AFF2: variants seen among roughly 807,000 people sequenced by gnomAD.
AFF2 encodes ALF transcription elongation factor 2.
A neutral mutation model predicts 76.9 loss-of-function variants in AFF2; 14 were observed. The ratio of observed to expected loss-of-function variants is 0.18; its 90% confidence interval spans 0.12 to 0.28. The LOEUF is 0.28. Among genes scored for constraint, AFF2 ranks in the 10% least tolerant of loss-of-function variants. AFF2 has a pLI of 1.00. For synonymous variants in AFF2, 398 were observed against 366.7 expected (o/e 1.09, Z -0.98); for missense variants, 868 against 1,001.1 (o/e 0.87, Z 1.79).
intron 3 of AFF2, among the ~76,000 whole-genome samples, chrX:148,776,556 C>T (rs972094464): frequency 6.2e-5 from 7 of 112,410 alleles, no homozygotes; most frequent in African/African-American, 1.9e-4. Flanking sequence ...GCCATTCTAA[C>T]TGGTGTGAGA....
At chrX:148,986,316 G>C (rs782463133) in intron 19 of AFF2, among the ~76,000 whole-genome samples, 4 of 112,282 alleles carry the variant, frequency 3.6e-5, no homozygotes, top group Non-Finnish European at 7.5e-5. Context: ...GGAGGAGAGA[G>C]AACCAGAGGG....
chrX:148,627,798 GA>G (rs199838373), intron 1 of AFF2, among the ~76,000 whole-genome samples: 1 of 110,665 alleles, frequency 9.0e-6, no homozygotes, highest in Non-Finnish European at 1.9e-5. Flanking sequence ...GCAAGTTTGA[GA>G]AAAAAATTGT....
chrX:148,630,092 C>G (rs1372782272), intron 1 of AFF2, among the ~76,000 whole-genome samples: 2 of 111,618 alleles, frequency 1.8e-5, no homozygotes, highest in African/African-American at 6.5e-5. Context: ...TAGAGAGTAC[C>G]AGACCCCACA....
chrX:148,997,484 A>G lies in AFF2; in HGVS notation c.*6152A>G, dbSNP rs1213862107. 1.8e-5 allele frequency: 2 copies of G among 112,266 alleles called. No homozygotes were observed. Among genetic ancestry groups the G allele is most frequent in the Non-Finnish European group, 3.8e-5 (2 of 53,264 alleles). The allele number at this position is 112,266 out of a possible 1,213,427, so 9.3% of individuals were successfully genotyped here. ...TGTTCTAAAATCTTATTTTTCAAAA[A>G]AAAATTTCCATTTTCTCTCTGGGCC... On this transcript the variant is annotated 3_prime_UTR_variant, in exon 21 of 21. Coordinates refer to ENST00000370460, the MANE Select transcript of AFF2 (RefSeq NM_002025.4).
At chrX:148,951,226 C>G (rs1238582281) in intron 9 of AFF2, among the ~76,000 whole-genome samples, 1 of 111,034 alleles carries the variant, frequency 9.0e-6, no homozygotes, top group Admixed American at 9.6e-5. Context: ...ATCCATGGAA[C>G]TTTGATTTAG....
chrX:148,683,918 G>A (rs1327315080), intron 3 of AFF2, among the ~76,000 whole-genome samples: 1 of 111,543 alleles, frequency 9.0e-6, no homozygotes. Context: ...TTATTTATAT[G>A]AGGCAACATT....
rs1557288198 is a variant in AFF2 at position 148,962,767 on chromosome X, C to T, written c.2743C>T (p.Pro915Ser). ...AAGAAAGGAAGAAAAACTATTTCCT[C>T]CTCCACTTTCCCCACTGCCAGAGGA... is the stretch of plus-strand genomic sequence containing the variant. ...NRRKEEKLFP[P>S]PLSPLPEDPP... The change falls in exon 13 of 21, where the codon CCT (proline) becomes TCT (serine). Residue 915 changes from proline to serine, a missense_variant. Around this residue, in one of 6 missense-constraint regions of AFF2, gnomAD observed 532 missense variants for 564.2 expected, o/e 0.94. Coordinates refer to ENST00000370460, the MANE Select transcript of AFF2 (RefSeq NM_002025.4). The T allele has an allele frequency of 1.7e-6, 2 of 1,210,782 alleles. No homozygotes were observed. Among genetic ancestry groups the T allele is most frequent in the Admixed American group, 2.2e-5 (1 of 45,939 alleles).
intron 1 of AFF2, among the ~76,000 whole-genome samples, chrX:148,534,035 T>C (rs1367551623): frequency 8.9e-6 from 1 of 112,320 alleles, no homozygotes; most frequent in African/African-American, 3.2e-5. Context: ...CCTATTTCCC[T>C]GGCAAATCTA....
At chrX:148,962,480 T>G (rs1398686889) in intron 12 of AFF2, among the ~76,000 whole-genome samples, 2 of 112,130 alleles carry the variant, frequency 1.8e-5, no homozygotes, top group Non-Finnish European at 3.8e-5. Flanking sequence ...TGCAAAGACA[T>G]GAGTTTATTC....
chrX:148,626,894 T>C (rs1470713751), intron 1 of AFF2, among the ~76,000 whole-genome samples: 3 of 111,629 alleles, frequency 2.7e-5, no homozygotes, highest in Admixed American at 1.9e-4. Flanking sequence ...TGGGTGAACA[T>C]ATATTTTGGA....
At position 148,500,633 on chromosome X, in the gene AFF2, CCGCT is replaced by C; in HGVS notation, c.-464_-461del. 1.1e-5 allele frequency: 1 copy of C among 90,061 alleles called. No individual in the cohort carries two copies. The highest frequency in any genetic ancestry group is 4.1e-5 in the African/African-American group (1 of 24,132). The allele number at this position is 90,061 out of a possible 1,213,427, so 7.4% of individuals were successfully genotyped here. On this transcript the variant is annotated 5_prime_UTR_variant, in exon 1 of 21. Coordinates refer to ENST00000370460, the MANE Select transcript of AFF2 (RefSeq NM_002025.4). The stretch of plus-strand genomic sequence containing the variant: ...GCGGCCGCCGCCGCCGCCTGTGCAG[CCGCT>C]GCCGCCGCCGCCGCCGCCGCCGCCG...
intron 1 of AFF2, among the ~76,000 whole-genome samples, chrX:148,611,576 A>G (rs918163619): frequency 1.8e-5 from 2 of 111,367 alleles, no homozygotes; most frequent in Non-Finnish European, 3.8e-5. Flanking sequence ...TCCCAAACTC[A>G]TCTTCCTTTG....
chrX:148,528,762 C>A (rs1212685824), intron 1 of AFF2, among the ~76,000 whole-genome samples: 2 of 111,252 alleles, frequency 1.8e-5, no homozygotes, highest in Non-Finnish European at 1.9e-5. Context: ...TCACTTAAAC[C>A]AATGTATTCA....
chrX:148,561,049 A>G (rs782193854), intron 1 of AFF2, among the ~76,000 whole-genome samples: 3 of 112,204 alleles, frequency 2.7e-5, no homozygotes, highest in South Asian at 7.4e-4. Context: ...TTGTAAGACA[A>G]TGGCTTCCTT....
rs144080473 is a variant in AFF2 at position 148,959,302 on chromosome X, C to T, written c.2690+844C>T. ...CTAACAATCATGTCAGCAACTTGAACCATTCTGTCTGAGTAATTATTGCCA... is the reference window on the plus strand; with the variant it reads ...CTAACAATCATGTCAGCAACTTGAATCATTCTGTCTGAGTAATTATTGCCA... On this transcript the variant is annotated intron_variant, in intron 12 of 20. Transcript: ENST00000370460. Among the ~76,000 whole-genome samples, 42 of 112,441 alleles carry T rather than the reference C, an allele frequency of 3.7e-4. No homozygotes were observed. In the East Asian group the frequency reaches 0.012, roughly 31 times the overall value.
chrX:148,729,460 T>G (rs2055196387), intron 3 of AFF2, among the ~76,000 whole-genome samples: 1 of 111,765 alleles, frequency 8.9e-6, no homozygotes, highest in Non-Finnish European at 1.9e-5. Flanking sequence ...TGACAGAAAG[T>G]CTCAATGTGA....
intron 3 of AFF2, among the ~76,000 whole-genome samples, chrX:148,724,683 C>A (rs1396167939): frequency 8.9e-6 from 1 of 111,892 alleles, no homozygotes; most frequent in Non-Finnish European, 1.9e-5. Flanking sequence ...TAGATTTGAA[C>A]ACAATTCTCC....
At chrX:148,878,549 C>T (rs1557278137) in intron 7 of AFF2, among the ~76,000 whole-genome samples, 1 of 111,923 alleles carries the variant, frequency 8.9e-6, no homozygotes, top group Non-Finnish European at 1.9e-5. Context: ...CCTATTCCTC[C>T]ACTTGAATGA....
intron 7 of AFF2, among the ~76,000 whole-genome samples, chrX:148,860,839 G>T (rs975384545): frequency 9.0e-6 from 1 of 111,352 alleles, no homozygotes; most frequent in Non-Finnish European, 1.9e-5. Context: ...AGCAGTTAAG[G>T]CTTCACCCCA....
Sources: allele counts gnomAD v4.1 joint callset (sites outside exome capture counted in the v4.1 genomes callset), GRCh38; gene constraint gnomAD v4.1.1; regional missense constraint gnomAD v4.1.1; transcripts MANE v1.5; gene names NCBI Gene and HGNC (gene_info 2026-07-23, HGNC 2026-07-21).